EXOC4: variants seen among roughly 807,000 people sequenced by gnomAD.
EXOC4 encodes SEC8-like 1.
In EXOC4, 71 loss-of-function variants were observed where a neutral mutation model predicts 107.2. That is an observed-to-expected ratio of 0.66 (90% CI 0.55 to 0.81). The LOEUF (loss-of-function observed/expected upper bound fraction) is 0.81, where lower values mean the gene tolerates loss of function less well. EXOC4 is among the 30% of genes least tolerant of loss of function. EXOC4 has a pLI of 0.00. For missense variants in EXOC4, 1,108 were observed against 1,189.6 expected (o/e 0.93, Z 1.01); for synonymous variants, 456 against 441.2 (o/e 1.03, Z -0.42).
At chr7:133,576,578 A>T (rs762451715) in intron 9 of EXOC4, 1 of 1,289,860 alleles carries the variant, frequency 7.8e-7, no homozygotes, top group South Asian at 1.2e-5. Context: ...CAATAATCCC[A>T]GATCTATAAA....
intron 11 of EXOC4, among the ~76,000 whole-genome samples, chr7:133,853,596 G>A (rs2116274537): frequency 6.6e-6 from 1 of 152,162 alleles, no homozygotes; most frequent in Middle Eastern, 3.4e-3. Context: ...ATTTTATAGG[G>A]AAAGAAAATC....
chr7:133,502,214 A>G (rs770595133), intron 9 of EXOC4, among the ~76,000 whole-genome samples: 2 of 152,074 alleles, frequency 1.3e-5, no homozygotes, highest in Admixed American at 1.3e-4. Context: ...TGAGATTGCT[A>G]TTAAGACAAT....
intron 7 of EXOC4, among the ~76,000 whole-genome samples, chr7:133,454,025 G>A (rs903969252): frequency 9.9e-5 from 15 of 152,052 alleles, no homozygotes; most frequent in African/African-American, 3.4e-4. Context: ...AACAGCACTG[G>A]CATTTCAAGA....
intron 14 of EXOC4, among the ~76,000 whole-genome samples, chr7:133,944,069 C>T (rs548748532): frequency 2.0e-5 from 3 of 152,048 alleles, no homozygotes; most frequent in Non-Finnish European, 4.4e-5. Flanking sequence ...TCATCCAGTT[C>T]CCCTATTGTT....
At chr7:133,576,736 T>C (rs2150963632) in intron 9 of EXOC4, 1 of 1,289,802 alleles carries the variant, frequency 7.8e-7, no homozygotes, top group Non-Finnish European at 1.0e-6. Flanking sequence ...ATAGAGGATA[T>C]TGGTCTACAG....
At chr7:133,616,104 G>A (rs1221609435) in intron 9 of EXOC4, among the ~76,000 whole-genome samples, 2 of 152,110 alleles carry the variant, frequency 1.3e-5, no homozygotes, top group African/African-American at 2.4e-5. Context: ...GAGGAACAGT[G>A]TCCTGTTTTC....
rs1797778872 is a variant in EXOC4 at position 133,428,534 on chromosome 7, G to A, written c.1183-46794G>A. 1.3e-5 allele frequency among the ~76,000 whole-genome samples: 2 copies of A among 152,248 alleles called. 1 individual carries two copies. Among genetic ancestry groups the A allele is most frequent in the South Asian group, 4.2e-4 (2 of 4,818 alleles). On this transcript the variant is annotated intron_variant, in intron 7 of 17. Transcript: ENST00000253861. ...ATTCTGTTCTATTCTGTTCTGTTCT[G>A]CTCTATTCTATTCTTATTTTATTAT...
At chr7:133,463,790 A>C (rs1448221677) in intron 7 of EXOC4, among the ~76,000 whole-genome samples, 1 of 152,136 alleles carries the variant, frequency 6.6e-6, no homozygotes, top group Non-Finnish European at 1.5e-5. Flanking sequence ...TTGTAGCGCA[A>C]AGGGGAAGAA....
chr7:133,603,586 A>G (rs924763701), intron 9 of EXOC4, among the ~76,000 whole-genome samples: 2 of 152,242 alleles, frequency 1.3e-5, no homozygotes, highest in Non-Finnish European at 2.9e-5. Context: ...TACATGCACA[A>G]CGTGTAGGCA....
At chr7:133,410,143 G>A (rs1448563910) in intron 7 of EXOC4, among the ~76,000 whole-genome samples, 3 of 152,038 alleles carry the variant, frequency 2.0e-5, no homozygotes, top group African/African-American at 7.2e-5. Flanking sequence ...CCAATACACA[G>A]TTTTGAAATG....
chr7:133,483,685 G>A (rs1302189860), intron 9 of EXOC4, among the ~76,000 whole-genome samples: 2 of 152,182 alleles, frequency 1.3e-5, no homozygotes, highest in East Asian at 1.9e-4. Flanking sequence ...TTACACACTT[G>A]GTGAGAGAAT....
intron 14 of EXOC4, among the ~76,000 whole-genome samples, chr7:133,960,008 TG>T: frequency 6.6e-6 from 1 of 151,960 alleles, no homozygotes; most frequent in Admixed American, 6.6e-5. Flanking sequence ...CTACAAGAAA[TG>T]GGGATTCTAG....
intron 10 of EXOC4, among the ~76,000 whole-genome samples, chr7:133,790,179 T>C (rs978030229): frequency 6.6e-6 from 1 of 152,182 alleles, no homozygotes; most frequent in Non-Finnish European, 1.5e-5. Flanking sequence ...CTGAGTGAAC[T>C]GCACTTCCCC....
At position 133,817,303 on chromosome 7, in the gene EXOC4, C is replaced by G. The variant is rs566803332; in HGVS notation, c.1515-22C>G. The G allele has an allele frequency of 5.6e-5, 87 of 1,551,778 alleles. No individual in the cohort carries two copies. In the South Asian group the frequency reaches 8.9e-4, roughly 16 times the overall value. On this transcript the variant is annotated intron_variant, in intron 10 of 17. Transcript: ENST00000253861. ...ACATTTTCCTCATAAATTTAATAACCTTCTTACTGTTTGTCCTCCAGATTT... is the reference window on the plus strand; with the variant it reads ...ACATTTTCCTCATAAATTTAATAACGTTCTTACTGTTTGTCCTCCAGATTT...
intron 11 of EXOC4, among the ~76,000 whole-genome samples, chr7:133,824,752 C>T (rs912945852): frequency 5.9e-5 from 9 of 152,080 alleles, no homozygotes; most frequent in South Asian, 2.1e-4. Context: ...GCTCTGGCAG[C>T]GTAACTGCAA....
intron 1 of EXOC4, among the ~76,000 whole-genome samples, chr7:133,262,779 C>T (rs1795182907): frequency 6.6e-6 from 1 of 152,120 alleles, no homozygotes; most frequent in African/African-American, 2.4e-5. Flanking sequence ...AAACCCCAGG[C>T]TTGAAATGTT....
At chr7:133,907,265 C>T (rs1799587233) in intron 12 of EXOC4, among the ~76,000 whole-genome samples, 2 of 152,088 alleles carry the variant, frequency 1.3e-5, no homozygotes, top group African/African-American at 4.8e-5. Flanking sequence ...TTATTGTGTG[C>T]TCCTATAATT....
At chr7:133,982,288 C>T (rs771776137) in intron 14 of EXOC4, among the ~76,000 whole-genome samples, 1 of 152,224 alleles carries the variant, frequency 6.6e-6, no homozygotes, top group Non-Finnish European at 1.5e-5. Context: ...TGTGGTGGCT[C>T]ACGCCTGTAA....
At chr7:134,036,211 C>T (rs1368092996) in intron 17 of EXOC4, among the ~76,000 whole-genome samples, 3 of 152,138 alleles carry the variant, frequency 2.0e-5, no homozygotes, top group Admixed American at 1.3e-4. Context: ...GCCACGGTGA[C>T]TTTCTAGTTT....
Sources: allele counts gnomAD v4.1 joint callset (sites outside exome capture counted in the v4.1 genomes callset), GRCh38; gene constraint gnomAD v4.1.1; transcripts MANE v1.5; gene names NCBI Gene and HGNC (gene_info 2026-07-23, HGNC 2026-07-21).